The following SLC25A21 variants were observed in gnomAD, a reference collection of about 807,000 sequenced individuals.
SLC25A21 encodes the protein solute carrier family 25 member 21, also known as mitochondrial 2-oxodicarboxylate carrier.
Under a neutral mutation model 43.8 loss-of-function variants are expected in SLC25A21, and 47 were observed. That is an observed-to-expected ratio of 1.07 (90% CI 0.85 to 1.37). The LOEUF is 1.37. Among genes scored for constraint, SLC25A21 ranks in the 40% most tolerant of loss-of-function variants. SLC25A21 has a pLI of 0.00. For synonymous variants in SLC25A21, 131 were observed against 121.3 expected, an observed-to-expected ratio of 1.08 and a Z score of -0.52; for missense variants, 352 against 350.2, an observed-to-expected ratio of 1.00 and a Z score of -0.04.
intron 1 of SLC25A21, among the ~76,000 whole-genome samples, chr14:36,927,084 C>G (rs528692062): frequency 6.6e-6 from 1 of 152,214 alleles, no homozygotes; most frequent in Admixed American, 6.5e-5. Flanking sequence ...ACACAAGAGT[C>G]GCTTGAACCT....
chr14:37,028,578 CTG>C (rs1280830973), intron 1 of SLC25A21, among the ~76,000 whole-genome samples: 6 of 152,136 alleles, frequency 3.9e-5, no homozygotes, highest in Admixed American at 1.3e-4. Flanking sequence ...GAAAACAAGA[CTG>C]TAAGTTTTGG....
At chr14:37,069,200 T>C (rs933119118) in intron 1 of SLC25A21, among the ~76,000 whole-genome samples, 2 of 151,154 alleles carry the variant, frequency 1.3e-5, no homozygotes, top group African/African-American at 4.9e-5. Flanking sequence ...AAACTTAAGG[T>C]ACTTCTCTTA....
chr14:36,935,470 G>A (rs1892398271), intron 1 of SLC25A21, among the ~76,000 whole-genome samples: 1 of 152,122 alleles, frequency 6.6e-6, no homozygotes, highest in Non-Finnish European at 1.5e-5. Context: ...GTTTAGCAAT[G>A]GGGACTCAAT....
chr14:36,917,004 C>G (rs545420788), intron 1 of SLC25A21, among the ~76,000 whole-genome samples: 1 of 152,174 alleles, frequency 6.6e-6, no homozygotes, highest in South Asian at 2.1e-4. Flanking sequence ...GGATTTCTAA[C>G]TCTTGGGTTT....
intron 1 of SLC25A21, among the ~76,000 whole-genome samples, chr14:37,138,560 G>T (rs1266840593): frequency 1.3e-5 from 2 of 152,032 alleles, no homozygotes; most frequent in African/African-American, 4.8e-5. Context: ...ATATAGCTCT[G>T]CCTTAAATTC....
At chr14:36,759,709 T>C (rs1886068253) in intron 3 of SLC25A21, 1 of 152,270 alleles carries the variant, frequency 6.6e-6, no homozygotes, top group Admixed American at 6.5e-5. Context: ...CAAGCAGTTA[T>C]AGCTCACGCC....
chr14:36,933,207 T>C (rs1280058768), intron 1 of SLC25A21, among the ~76,000 whole-genome samples: 3 of 152,154 alleles, frequency 2.0e-5, no homozygotes, highest in Non-Finnish European at 2.9e-5. Context: ...TTACAAGATA[T>C]ACAGTCTGTG....
chr14:37,039,976 C>A (rs140138465), intron 1 of SLC25A21, among the ~76,000 whole-genome samples: 5,007 of 151,764 alleles, frequency 0.033, 265 homozygotes, highest in African/African-American at 0.11. Flanking sequence ...TGGTGGATCA[C>A]CTGAGGTCAG....
intron 3 of SLC25A21, among the ~76,000 whole-genome samples, chr14:36,777,278 CACA>C (rs913184571): frequency 6.6e-6 from 1 of 151,904 alleles, no homozygotes; most frequent in African/African-American, 2.4e-5. Context: ...AAACAAAAAA[CACA>C]ACAAAAACAA....
At chr14:36,976,537 A>AT (rs1257129499) in intron 1 of SLC25A21, among the ~76,000 whole-genome samples, 3 of 145,298 alleles carry the variant, frequency 2.1e-5, no homozygotes, top group Non-Finnish European at 4.4e-5. Flanking sequence ...TGGCCTGTAG[A>AT]TAAAAAAAAA....
intron 6 of SLC25A21, among the ~76,000 whole-genome samples, chr14:36,714,716 T>C (rs1884049447): frequency 1.3e-5 from 2 of 152,226 alleles, no homozygotes; most frequent in Admixed American, 1.3e-4. Context: ...TCAGTACTTT[T>C]TGGTGTCATT....
chr14:37,161,917 C>G (rs1379760054), intron 1 of SLC25A21, among the ~76,000 whole-genome samples: 1 of 138,592 alleles, frequency 7.2e-6, no homozygotes, highest in Non-Finnish European at 1.5e-5. Context: ...GAGCCGAGAT[C>G]GCCTCAATGC....
At chr14:37,145,765 C>G (rs1271335290) in intron 1 of SLC25A21, among the ~76,000 whole-genome samples, 1 of 152,116 alleles carries the variant, frequency 6.6e-6, no homozygotes, top group Non-Finnish European at 1.5e-5. Context: ...CTAACTATTC[C>G]TGGAAAGCCA....
chr14:37,008,133 G>A (rs1328195868), intron 1 of SLC25A21, among the ~76,000 whole-genome samples: 1 of 152,016 alleles, frequency 6.6e-6, no homozygotes, highest in Non-Finnish European at 1.5e-5. Flanking sequence ...CTCAGCCTCT[G>A]AAAGTGCTGG....
At chr14:37,116,992 G>C (rs1176710076) in intron 1 of SLC25A21, among the ~76,000 whole-genome samples, 2 of 152,124 alleles carry the variant, frequency 1.3e-5, no homozygotes, top group Non-Finnish European at 2.9e-5. Context: ...TGGCGGCTCA[G>C]TTTGCTAATC....
At chr14:36,765,964 C>T (rs1886396849) in intron 3 of SLC25A21, among the ~76,000 whole-genome samples, 1 of 152,118 alleles carries the variant, frequency 6.6e-6, no homozygotes, top group Non-Finnish European at 1.5e-5. Flanking sequence ...ATTTTTCCAC[C>T]CATCTTTCCA....
chr14:36,958,829 T>C (rs1248221203), intron 1 of SLC25A21, among the ~76,000 whole-genome samples: 1 of 152,220 alleles, frequency 6.6e-6, no homozygotes, highest in African/African-American at 2.4e-5. Context: ...GAACCAGGCC[T>C]GCCTGAAGAG....
intron 1 of SLC25A21, among the ~76,000 whole-genome samples, chr14:37,051,495 G>C (rs1211041464): frequency 6.6e-6 from 1 of 152,160 alleles, no homozygotes; most frequent in Non-Finnish European, 1.5e-5. Context: ...TGAACTCCTA[G>C]GCTATGGTGA....
chr14:36,706,697 T>C (rs936908859), intron 7 of SLC25A21, among the ~76,000 whole-genome samples: 6 of 152,150 alleles, frequency 3.9e-5, no homozygotes, highest in Admixed American at 2.0e-4. Flanking sequence ...ACCCCCTACT[T>C]TTCTCAACAC....
Sources: allele counts gnomAD v4.1 joint callset (sites outside exome capture counted in the v4.1 genomes callset), GRCh38; gene constraint gnomAD v4.1.1; transcripts MANE v1.5; gene names NCBI Gene and HGNC (gene_info 2026-07-23, HGNC 2026-07-21).